CSMD1: variants seen among roughly 807,000 people sequenced by gnomAD.
CSMD1 encodes the protein CUB and Sushi multiple domains 1.
Under a neutral mutation model 417.5 loss-of-function variants are expected in CSMD1, and 213 were observed. The ratio of observed to expected loss-of-function variants is 0.51; its 90% CI spans 0.46 to 0.57. The LOEUF (loss-of-function observed/expected upper bound fraction) is 0.57, where lower values mean the gene tolerates loss of function less well. CSMD1 is among the 20% of genes least tolerant of loss of function. The probability of loss-of-function intolerance (pLI) is 0.00; values close to 1 mark genes in which losing one functional copy is unlikely to be tolerated. For synonymous variants in CSMD1, 2,862 were observed against 1,736.8 expected (o/e 1.65, Z -16.11); for missense variants, 6,923 against 4,529.7 (o/e 1.53, Z -15.17).
chr8:3,895,123 C>A (rs1807268832), intron 5 of CSMD1, among the ~76,000 whole-genome samples: 1 of 152,160 alleles, frequency 6.6e-6, no homozygotes, highest in African/African-American at 2.4e-5. Context: ...AAATGTGATT[C>A]ATGAATCACC....
chr8:4,548,201 C>T (rs564262720), intron 2 of CSMD1, among the ~76,000 whole-genome samples: 9 of 152,058 alleles, frequency 5.9e-5, no homozygotes, highest in South Asian at 2.1e-4. Flanking sequence ...AACATAGCGC[C>T]GTCAAAAATT....
chr8:3,360,115 A>G (rs915000237), intron 20 of CSMD1, among the ~76,000 whole-genome samples: 1 of 152,196 alleles, frequency 6.6e-6, no homozygotes, highest in African/African-American at 2.4e-5. Context: ...TCTAGAATAT[A>G]CCTCAGTGAG....
chr8:4,029,382 G>A (rs1430057890), intron 4 of CSMD1, among the ~76,000 whole-genome samples: 1 of 152,296 alleles, frequency 6.6e-6, no homozygotes, highest in South Asian at 2.1e-4. Flanking sequence ...TATGGCTGGG[G>A]AAGCCTCACA....
At chr8:3,947,544 G>T (rs559589933) in intron 5 of CSMD1, among the ~76,000 whole-genome samples, 10 of 151,758 alleles carry the variant, frequency 6.6e-5, no homozygotes, top group African/African-American at 2.4e-4. Flanking sequence ...CATAACCCAC[G>T]GGAAAGCTCC....
intron 3 of CSMD1, among the ~76,000 whole-genome samples, chr8:4,309,359 A>G (rs73504622): frequency 0.024 from 3,710 of 151,954 alleles, 148 homozygotes; most frequent in African/African-American, 0.085. Flanking sequence ...GAAAAAAACT[A>G]ATCTTTTGTT....
At chr8:4,126,088 G>C (rs190203763) in intron 3 of CSMD1, among the ~76,000 whole-genome samples, 2 of 151,520 alleles carry the variant, frequency 1.3e-5, no homozygotes, top group Non-Finnish European at 1.5e-5. Flanking sequence ...AGAAACAGAA[G>C]ACAGCAAGAA....
At chr8:3,417,439 C>T (rs79421649) in intron 12 of CSMD1, among the ~76,000 whole-genome samples, 1,967 of 152,264 alleles carry the variant, frequency 0.013, 46 homozygotes, top group East Asian at 0.096. Context: ...TATGCTTATT[C>T]GTATGAAAGC....
chr8:3,794,236 T>A (rs922866942), intron 5 of CSMD1, among the ~76,000 whole-genome samples: 13 of 152,238 alleles, frequency 8.5e-5, no homozygotes, highest in Non-Finnish European at 1.8e-4. Flanking sequence ...AATCCTGTTC[T>A]ACGCAGTTGA....
At chr8:4,348,735 G>T (rs531029174) in intron 3 of CSMD1, among the ~76,000 whole-genome samples, 1 of 151,980 alleles carries the variant, frequency 6.6e-6, no homozygotes, top group Non-Finnish European at 1.5e-5. Flanking sequence ...TCGTCTTTAG[G>T]AAGACCGTGA....
intron 49 of CSMD1, among the ~76,000 whole-genome samples, chr8:3,067,732 A>C (rs1481237782): frequency 1.3e-5 from 2 of 151,620 alleles, no homozygotes; most frequent in African/African-American, 4.8e-5. Context: ...TAACAATTAT[A>C]GTTTATATCA....
chr8:3,580,434 C>G (rs1452783114), intron 9 of CSMD1, among the ~76,000 whole-genome samples: 1 of 152,082 alleles, frequency 6.6e-6, no homozygotes, highest in Admixed American at 6.6e-5. Flanking sequence ...AAACCAAATG[C>G]AAGAATCCTA....
At chr8:3,905,064 T>C (rs1808026014) in intron 5 of CSMD1, among the ~76,000 whole-genome samples, 1 of 152,158 alleles carries the variant, frequency 6.6e-6, no homozygotes, top group Non-Finnish European at 1.5e-5. Context: ...TCCTTCTCCA[T>C]AGGACCTATG....
chr8:3,853,056 C>G (rs1417708239), intron 5 of CSMD1, among the ~76,000 whole-genome samples: 1 of 152,152 alleles, frequency 6.6e-6, no homozygotes, highest in East Asian at 1.9e-4. Context: ...ATCAGTCGAG[C>G]AACCCACGTC....
intron 3 of CSMD1, among the ~76,000 whole-genome samples, chr8:4,324,520 T>C (rs553620358): frequency 9.2e-5 from 14 of 152,286 alleles, no homozygotes; most frequent in African/African-American, 3.4e-4. Context: ...AGGGTTCTTC[T>C]CCACCCCCAG....
chr8:3,286,133 A>T (rs1475326608), intron 25 of CSMD1, among the ~76,000 whole-genome samples: 1 of 152,142 alleles, frequency 6.6e-6, no homozygotes, highest in Non-Finnish European at 1.5e-5. Context: ...AGCTTCATCC[A>T]TGTCCCTACA....
intron 1 of CSMD1, among the ~76,000 whole-genome samples, chr8:4,876,243 T>C (rs1803035852): frequency 6.6e-6 from 1 of 152,082 alleles, no homozygotes; most frequent in South Asian, 2.1e-4. Flanking sequence ...TCTGCTACTG[T>C]GGTATAATAT....
intron 12 of CSMD1, among the ~76,000 whole-genome samples, chr8:3,443,045 T>C (rs959375861): frequency 6.6e-6 from 1 of 152,202 alleles, no homozygotes; most frequent in African/African-American, 2.4e-5. Context: ...ACAATGAATA[T>C]GAGTTTGTAT....
intron 10 of CSMD1, among the ~76,000 whole-genome samples, chr8:3,570,273 G>C (rs768491949): frequency 1.1e-4 from 17 of 152,150 alleles, no homozygotes; most frequent in Non-Finnish European, 2.1e-4. Context: ...TCTTTCCTTG[G>C]TGTCTGGCTT....
At chr8:4,907,398 A>G (rs1425383716) in intron 1 of CSMD1, among the ~76,000 whole-genome samples, 1 of 152,224 alleles carries the variant, frequency 6.6e-6, no homozygotes, top group Non-Finnish European at 1.5e-5. Context: ...TCCCTCAAGT[A>G]TGAATTACTG....
Sources: allele counts gnomAD v4.1 joint callset (sites outside exome capture counted in the v4.1 genomes callset), GRCh38; gene constraint gnomAD v4.1.1; transcripts MANE v1.5; gene names NCBI Gene and HGNC (gene_info 2026-07-23, HGNC 2026-07-21).